Variants in GRID2 observed in about 807,000 individuals in gnomAD.
GRID2 encodes glutamate ionotropic receptor delta type subunit 2, also known as glutamate receptor ionotropic, delta-2.
A neutral mutation model predicts 114.8 loss-of-function variants in GRID2; 33 were observed. The ratio of observed to expected loss-of-function variants is 0.29; its 90% CI spans 0.22 to 0.38. The LOEUF (loss-of-function observed/expected upper bound fraction) is 0.38. Among genes scored for constraint, GRID2 ranks in the 10% least tolerant of loss-of-function variants. The probability of loss-of-function intolerance (pLI) is 1.00; values close to 1 mark genes in which losing one functional copy is unlikely to be tolerated. For synonymous variants in GRID2, 505 were observed against 449.9 expected, an observed-to-expected ratio of 1.12 and a Z score of -1.55; for missense variants, 1,184 against 1,257.7, an observed-to-expected ratio of 0.94 and a Z score of 0.89.
At chr4:93,670,960 T>C (rs1340752193) in intron 14 of GRID2, among the ~76,000 whole-genome samples, 1 of 152,154 alleles carries the variant, frequency 6.6e-6, no homozygotes, top group African/African-American at 2.4e-5. Flanking sequence ...TATGTGTACA[T>C]AGGACTATAT....
intron 2 of GRID2, among the ~76,000 whole-genome samples, chr4:92,688,477 T>A (rs1235162306): frequency 6.6e-6 from 1 of 152,206 alleles, no homozygotes; most frequent in Non-Finnish European, 1.5e-5. Context: ...ATTTATGGAA[T>A]ATTCTAAATT....
intron 13 of GRID2, among the ~76,000 whole-genome samples, chr4:93,567,544 C>A (rs1397671352): frequency 6.6e-6 from 1 of 152,088 alleles, no homozygotes; most frequent in African/African-American, 2.4e-5. Context: ...ATTTCCTTAT[C>A]TAGGTTAAGA....
intron 2 of GRID2, among the ~76,000 whole-genome samples, chr4:92,736,681 A>C (rs1269515436): frequency 6.6e-6 from 1 of 152,094 alleles, no homozygotes. Flanking sequence ...ATCTTAGACA[A>C]CAAATCCTGG....
chr4:93,283,548 C>G (rs1752863089), intron 8 of GRID2, among the ~76,000 whole-genome samples: 1 of 151,828 alleles, frequency 6.6e-6, no homozygotes, highest in South Asian at 2.1e-4. Flanking sequence ...TAAAAAATGC[C>G]AAATTTTTAT....
Position 93,410,963 on chromosome 4 carries a change from A to G in GRID2, c.1348-11808A>G, listed in dbSNP as rs74718449. 9.5e-4 allele frequency among the ~76,000 whole-genome samples: 145 copies of G among 152,280 alleles called. 3 individuals are homozygous for G. In the East Asian group the frequency reaches 0.026, roughly 28 times the overall value. Reference sequence around the variant, plus strand: ...GGCCTTCACTATACTTTATTGAATGACTTCATTTACTTTCTAGAAAGTTAT... The same window carrying G: ...GGCCTTCACTATACTTTATTGAATGGCTTCATTTACTTTCTAGAAAGTTAT... On this transcript the variant is annotated intron_variant, in intron 9 of 15. Transcript: ENST00000282020.
chr4:93,006,344 G>A (rs549556344), intron 2 of GRID2, among the ~76,000 whole-genome samples: 2 of 152,154 alleles, frequency 1.3e-5, no homozygotes, highest in South Asian at 2.1e-4. Flanking sequence ...GCGGCTGAGA[G>A]TGGATAAAAT....
intron 14 of GRID2, among the ~76,000 whole-genome samples, chr4:93,662,577 A>G (rs926844164): frequency 1.3e-5 from 2 of 152,142 alleles, no homozygotes; most frequent in African/African-American, 4.8e-5. Flanking sequence ...AAAACTCTTG[A>G]TCAGACTCAG....
At chr4:93,186,307 G>C (rs983602470) in intron 4 of GRID2, among the ~76,000 whole-genome samples, 3 of 152,116 alleles carry the variant, frequency 2.0e-5, no homozygotes, top group African/African-American at 7.2e-5. Flanking sequence ...AGATCCTTGA[G>C]GAATTGCCAC....
chr4:93,711,333 G>T (rs1048848492), intron 14 of GRID2, among the ~76,000 whole-genome samples: 3 of 152,138 alleles, frequency 2.0e-5, no homozygotes, highest in Non-Finnish European at 2.9e-5. Flanking sequence ...AAGGCAGAGG[G>T]TTCCCTTCTG....
At chr4:92,392,278 G>T (rs1730279109) in intron 1 of GRID2, among the ~76,000 whole-genome samples, 3 of 151,936 alleles carry the variant, frequency 2.0e-5, no homozygotes, top group Non-Finnish European at 4.4e-5. Context: ...TTCTTGGCTG[G>T]GCGCGGTGGC....
At chr4:93,511,342 C>T (rs556338838) in intron 12 of GRID2, among the ~76,000 whole-genome samples, 40 of 152,270 alleles carry the variant, frequency 2.6e-4, no homozygotes, top group Admixed American at 2.4e-3. Flanking sequence ...ACAGAATTGC[C>T]TTAAATCACA....
At chr4:93,030,493 T>C (rs1425285584) in intron 2 of GRID2, among the ~76,000 whole-genome samples, 1 of 151,990 alleles carries the variant, frequency 6.6e-6, no homozygotes, top group African/African-American at 2.4e-5. Flanking sequence ...CAGTCAATTC[T>C]TGTGCCCCAG....
At chr4:93,257,595 T>G (rs1156312941) in intron 8 of GRID2, among the ~76,000 whole-genome samples, 4 of 151,668 alleles carry the variant, frequency 2.6e-5, no homozygotes, top group Non-Finnish European at 5.9e-5. Context: ...TCTTCAAGAA[T>G]TCTGTTAATA....
intron 13 of GRID2, among the ~76,000 whole-genome samples, chr4:93,575,703 T>C (rs1053866252): frequency 6.6e-6 from 1 of 152,192 alleles, no homozygotes; most frequent in Admixed American, 6.5e-5. Flanking sequence ...TTTACTGATA[T>C]AAAGATAGCC....
intron 8 of GRID2, among the ~76,000 whole-genome samples, chr4:93,303,069 A>T (rs1008685943): frequency 1.8e-4 from 27 of 152,306 alleles, no homozygotes; most frequent in African/African-American, 5.8e-4. Context: ...GGCATGTCTT[A>T]CGTGACCAGA....
intron 1 of GRID2, among the ~76,000 whole-genome samples, chr4:92,558,693 T>C (rs1398713189): frequency 1.3e-5 from 2 of 152,184 alleles, no homozygotes; most frequent in African/African-American, 4.8e-5. Context: ...TGCTGCCTTT[T>C]ATGACAGTTA....
intron 1 of GRID2, among the ~76,000 whole-genome samples, chr4:92,574,257 C>G (rs901983679): frequency 3.3e-5 from 5 of 151,982 alleles, no homozygotes; most frequent in Non-Finnish European, 7.4e-5. Flanking sequence ...GCTTGCCATT[C>G]TTTGTCTTTT....
intron 2 of GRID2, among the ~76,000 whole-genome samples, chr4:92,874,375 G>A (rs762138348): frequency 5.9e-5 from 9 of 152,056 alleles, no homozygotes; most frequent in South Asian, 4.2e-4. Flanking sequence ...GAAATGATTC[G>A]GATAGCATCC....
At chr4:92,848,476 G>T (rs763638980) in intron 2 of GRID2, among the ~76,000 whole-genome samples, 2 of 151,818 alleles carry the variant, frequency 1.3e-5, no homozygotes, top group Non-Finnish European at 2.9e-5. Flanking sequence ...TCTCTATGGG[G>T]TGAGAGAAAT....
Sources: gnomAD v4.1 joint callset for allele counts (sites outside exome capture counted in the v4.1 genomes callset) on GRCh38, gnomAD v4.1.1 for gene constraint, MANE v1.5 for transcripts, NCBI Gene and HGNC (gene_info 2026-07-23, HGNC 2026-07-21) for gene names.